The following BRD10 variants were observed in gnomAD, a reference collection of about 807,000 sequenced individuals.
BRD10 encodes bromodomain containing 10, also known as uncharacterized bromodomain-containing protein 10.
chr9:5,883,598 T>C, the BRD10 span, among the ~76,000 whole-genome samples: 1 of 151,290 alleles, frequency 6.6e-6, no homozygotes, highest in Non-Finnish European at 1.5e-5. Context: ...CCTGAGTACC[T>C]GTGACCACAG....
the BRD10 span, among the ~76,000 whole-genome samples, chr9:5,925,652 T>G: frequency 2.6e-5 from 4 of 152,158 alleles, no homozygotes; most frequent in African/African-American, 9.7e-5. Context: ...ATCCTGGGAG[T>G]AATTGTATCT....
At chr9:6,008,019 G>A in the BRD10 span, 3 of 1,214,040 alleles carry the variant, frequency 2.5e-6, no homozygotes, top group South Asian at 3.4e-5. Flanking sequence ...GGAGAGCCTA[G>A]GTGCCCTCCT....
the BRD10 span, among the ~76,000 whole-genome samples, chr9:5,889,953 T>C: frequency 3.9e-5 from 6 of 152,292 alleles, no homozygotes; most frequent in East Asian, 9.6e-4. Flanking sequence ...CTATCTCCAG[T>C]GGACAGTTAA....
the BRD10 span, among the ~76,000 whole-genome samples, chr9:5,942,627 TA>T: frequency 6.6e-6 from 1 of 152,302 alleles, no homozygotes; most frequent in South Asian, 2.1e-4. Context: ...TTAAACAGTT[TA>T]AATTAAGGAG....
chr9:5,990,266 A>G, the BRD10 span, among the ~76,000 whole-genome samples: 4 of 152,212 alleles, frequency 2.6e-5, no homozygotes, highest in Non-Finnish European at 5.9e-5. Context: ...ATTTTAGTAT[A>G]ATATTTTTAG....
the BRD10 span, chr9:5,928,937 C>T: frequency 1.0e-5 from 6 of 584,926 alleles, no homozygotes; most frequent in African/African-American, 3.8e-5. Flanking sequence ...AAATATCTGC[C>T]GAATTACAAA....
chr9:5,977,866 C>T, the BRD10 span, among the ~76,000 whole-genome samples: 1 of 110,508 alleles, frequency 9.0e-6, no homozygotes, highest in Non-Finnish European at 2.0e-5. Context: ...AAGTACATCA[C>T]ATTTTGCTGG....
the BRD10 span, among the ~76,000 whole-genome samples, chr9:5,996,269 A>G: frequency 3.3e-5 from 5 of 151,890 alleles, no homozygotes; most frequent in African/African-American, 1.2e-4. Context: ...GGTAAATGAC[A>G]TAACGCCCCA....
chr9:5,920,250 T>A, the BRD10 span: 1 of 1,613,870 alleles, frequency 6.2e-7, no homozygotes, highest in Admixed American at 1.7e-5. Flanking sequence ...TATTTTGGAT[T>A]AGTAGATATA....
chr9:5,920,553 T>C, the BRD10 span: 9 of 1,613,902 alleles, frequency 5.6e-6, no homozygotes, highest in East Asian at 6.7e-5. Context: ...CCTGGACTTG[T>C]TGAAAGGGAC....
At chr9:5,930,365 G>C in the BRD10 span, among the ~76,000 whole-genome samples, 2 of 57,816 alleles carry the variant, frequency 3.5e-5, no homozygotes, top group African/African-American at 1.2e-4. Flanking sequence ...TATATATAAG[G>C]AGATTATATA....
the BRD10 span, chr9:5,945,043 C>G: frequency 1.9e-6 from 1 of 535,090 alleles, no homozygotes; most frequent in Non-Finnish European, 3.2e-6. Flanking sequence ...TTTTAACACA[C>G]ACTGAATTCA....
the BRD10 span, among the ~76,000 whole-genome samples, chr9:5,885,211 T>C: frequency 1.3e-5 from 2 of 152,210 alleles, no homozygotes; most frequent in Non-Finnish European, 2.9e-5. Context: ...CAGCAAGCGC[T>C]TGTTAGCTGA....
chr9:5,908,666 G>C, the BRD10 span: 1 of 1,613,968 alleles, frequency 6.2e-7, no homozygotes, highest in Admixed American at 1.7e-5. Context: ...CTGCTTATGA[G>C]AAACTCTCTG....
At chr9:5,985,921 T>C in the BRD10 span, among the ~76,000 whole-genome samples, 5 of 152,188 alleles carry the variant, frequency 3.3e-5, no homozygotes, top group Non-Finnish European at 5.9e-5. Flanking sequence ...TATGGCTAAT[T>C]CTTTAAAAAA....
At chr9:5,959,409 TG>T in the BRD10 span, among the ~76,000 whole-genome samples, 1 of 152,126 alleles carries the variant, frequency 6.6e-6, no homozygotes, top group African/African-American at 2.4e-5. Flanking sequence ...TCTGTAATAA[TG>T]GGGAATAATA....
the BRD10 span, among the ~76,000 whole-genome samples, chr9:5,892,929 AAAGT>A: frequency 6.6e-6 from 1 of 152,194 alleles, no homozygotes; most frequent in South Asian, 2.1e-4. Flanking sequence ...AGACAGAATA[AAAGT>A]GAGTTGCCAA....
the BRD10 span, among the ~76,000 whole-genome samples, chr9:5,896,707 T>A: frequency 1.3e-5 from 2 of 152,096 alleles, no homozygotes; most frequent in Non-Finnish European, 2.9e-5. Flanking sequence ...TTGCCCGGAG[T>A]GAACAGCTCC....
At chr9:5,994,730 C>T in the BRD10 span, among the ~76,000 whole-genome samples, 1 of 152,128 alleles carries the variant, frequency 6.6e-6, no homozygotes, top group African/African-American at 2.4e-5. Context: ...CCAAAGGCCC[C>T]TTCACTCCTA....
Sources: gnomAD v4.1 joint callset for allele counts (sites outside exome capture counted in the v4.1 genomes callset) on GRCh38, gnomAD v4.1.1 for gene constraint, MANE v1.5 for transcripts, NCBI Gene and HGNC (gene_info 2026-07-23, HGNC 2026-07-21) for gene names.